Variants in ISCA1 observed in about 807,000 individuals in gnomAD.
The protein encoded by ISCA1 is iron-sulfur cluster assembly 1 homolog, mitochondrial.
Under a neutral mutation model 14.7 loss-of-function variants are expected in ISCA1, and 9 were observed. The observed-to-expected ratio is 0.61, with a 90% CI of 0.37 to 1.07. The LOEUF (loss-of-function observed/expected upper bound fraction) is 1.07. Among genes scored for constraint, ISCA1 ranks in the 50% least tolerant of loss-of-function variants. ISCA1 has a pLI of 0.01. For synonymous variants in ISCA1, 38 were observed against 54.3 expected, an observed-to-expected ratio of 0.70 and a Z score of 1.32; for missense variants, 102 against 150.1, an observed-to-expected ratio of 0.68 and a Z score of 1.67.
Position 86,266,002 on chromosome 9 carries a change from C to G in ISCA1, c.*41G>C, listed in dbSNP as rs767654482. 1 of 1,611,518 alleles carries G rather than the reference C, an allele frequency of 6.2e-7. No homozygotes were observed. The highest frequency in any genetic ancestry group is 8.5e-7 in the Non-Finnish European group (1 of 1,179,474). On this transcript the variant is annotated 3_prime_UTR_variant, in exon 4 of 4. Transcript: ENST00000375991. ...TCTGCAGTGAGCCCCAAAGCTTCCA[C>G]GAGCTTTCCTGGAACCTACGGCCAG...
rs1201683045 is a variant in ISCA1 at position 86,267,729 on chromosome 9, A to G, written c.242-1538T>C. The G allele has an allele frequency of 3.7e-5, 11 of 300,984 alleles. No individual in the cohort carries two copies. The Admixed American group carries it at 3.9e-4, about 11-fold the overall frequency. The allele number at this position is 300,984 out of a possible 1,614,324, so 18.6% of individuals were successfully genotyped here. Reference sequence around the variant, plus strand: ...GCGCCTATAATCCCAGCTACTTGGGAGGCTGAGGTGGGAGGATCGCTTGAA... The same window carrying G: ...GCGCCTATAATCCCAGCTACTTGGGGGGCTGAGGTGGGAGGATCGCTTGAA... On this transcript the variant is annotated intron_variant, in intron 3 of 3. Transcript: ENST00000375991.
intron 1 of ISCA1, among the ~76,000 whole-genome samples, chr9:86,280,505 G>A (rs1587822051): frequency 6.6e-6 from 1 of 150,784 alleles, no homozygotes; most frequent in Admixed American, 6.6e-5. Context: ...CTGAGGCAGA[G>A]AGTTGCTTGA....
chr9:86,272,834 T>C (rs1210446682), intron 2 of ISCA1, among the ~76,000 whole-genome samples: 1 of 152,230 alleles, frequency 6.6e-6, no homozygotes, highest in African/African-American at 2.4e-5. Flanking sequence ...CCTGTAACAA[T>C]GTAATGCTAC....
rs1219665045 is a variant in ISCA1 at position 86,265,391 on chromosome 9, A to G, written c.*652T>C. 1 of 152,356 alleles carries G rather than the reference A, an allele frequency of 6.6e-6. No homozygotes were observed. Among genetic ancestry groups the G allele is most frequent in the East Asian group, 1.9e-4 (1 of 5,176 alleles). 9.4% of individuals were successfully genotyped at this position (152,356 alleles called of 1,614,324 possible). On this transcript the variant is annotated 3_prime_UTR_variant, in exon 4 of 4. Transcript: ENST00000375991. ...TTTAAGAGACTTCTCAACTAAAAGA[A>G]TCAAAGTCAGCTTGAGAGCCCATCT... is the stretch of plus-strand genomic sequence containing the variant.
intron 1 of ISCA1, among the ~76,000 whole-genome samples, chr9:86,277,553 A>T (rs930249503): frequency 6.6e-5 from 10 of 152,186 alleles, no homozygotes; most frequent in African/African-American, 2.4e-4. Context: ...ACCCTGCTTT[A>T]AGTCTACATA....
chr9:86,272,191 C>T (rs1280352162), intron 2 of ISCA1, 79 bp from the exon 3 acceptor site: 3 of 844,872 alleles, frequency 3.6e-6, no homozygotes, highest in Non-Finnish European at 4.0e-6. Context: ...TGACAGTAGC[C>T]TCCTCGTACC....
chr9:86,266,296 A>G, intron 3 of ISCA1, 105 bp from the exon 4 acceptor site: 2 of 1,465,172 alleles, frequency 1.4e-6, no homozygotes, highest in Admixed American at 2.5e-5. Context: ...TGAAAGTCAA[A>G]CAAGAAGCCT....
At chr9:86,281,573 T>C (rs927129769) in intron 1 of ISCA1, among the ~76,000 whole-genome samples, 8 of 152,228 alleles carry the variant, frequency 5.3e-5, no homozygotes, top group African/African-American at 1.2e-4. Context: ...TGGCACTGAA[T>C]TGTACCCTTT....
At chr9:86,278,950 T>C (rs964712303) in intron 1 of ISCA1, among the ~76,000 whole-genome samples, 1 of 152,178 alleles carries the variant, frequency 6.6e-6, no homozygotes, top group African/African-American at 2.4e-5. Flanking sequence ...AATGACTACA[T>C]CCTTCACCAA....
rs1825280032 is a variant in ISCA1 at position 86,265,212 on chromosome 9, C to T, written c.*831G>A. On this transcript the variant is annotated 3_prime_UTR_variant, in exon 4 of 4. Coordinates refer to ENST00000375991, the MANE Select transcript of ISCA1 (RefSeq NM_030940.4). Reference sequence around the variant, plus strand: ...CAGACCATTTGCCTTCGCTGACTGCCTCAGAGGGCAGAGCATGTGTCACCT... The same window carrying T: ...CAGACCATTTGCCTTCGCTGACTGCTTCAGAGGGCAGAGCATGTGTCACCT... The T allele has an allele frequency of 6.6e-6, 1 of 152,186 alleles. No individual in the cohort carries two copies. Among genetic ancestry groups the T allele is most frequent in the Non-Finnish European group, 1.5e-5 (1 of 68,022 alleles). The allele number at this position is 152,186 out of a possible 1,614,324, so 9.4% of individuals were successfully genotyped here.
Position 86,264,907 on chromosome 9 carries a change from A to G in ISCA1, c.*1136T>C, listed in dbSNP as rs1316440662. The G allele has an allele frequency of 6.6e-6, 1 of 152,224 alleles. No individual in the cohort carries two copies. Among genetic ancestry groups the G allele is most frequent in the African/African-American group, 2.4e-5 (1 of 41,466 alleles). The allele number at this position is 152,224 out of a possible 1,614,324, so 9.4% of individuals were successfully genotyped here. ...GTTAGGCTAAAATACTAAGAACTTT[A>G]GCAACTGGACCGAGGAACCAGAAAA... is the stretch of plus-strand genomic sequence containing the variant. On this transcript the variant is annotated 3_prime_UTR_variant, in exon 4 of 4. Coordinates refer to ENST00000375991, the MANE Select transcript of ISCA1 (RefSeq NM_030940.4).
chr9:86,282,054 G>A, intron 1 of ISCA1: 1 of 348,782 alleles, frequency 2.9e-6, no homozygotes, highest in Non-Finnish European at 5.3e-6. Flanking sequence ...GCCGAACAGC[G>A]CAGGCCGGCA....
chr9:86,272,545 A>T (rs951256307), intron 2 of ISCA1, among the ~76,000 whole-genome samples: 1 of 152,204 alleles, frequency 6.6e-6, no homozygotes, highest in African/African-American at 2.4e-5. Context: ...CAGACAAAAG[A>T]AGTTTAAAAA....
intron 1 of ISCA1, among the ~76,000 whole-genome samples, chr9:86,280,428 A>G (rs1410081009): frequency 6.6e-6 from 1 of 151,754 alleles, no homozygotes; most frequent in East Asian, 1.9e-4. Flanking sequence ...TACTAAAAAT[A>G]CAAAAATAAA....
In ISCA1 at chr9:86,277,209, G is replaced by C. The variant is rs1327656726; in HGVS notation, c.82-2967C>G. On this transcript the variant is annotated intron_variant, in intron 1 of 3. Transcript: ENST00000375991. ...GTCTACTTATCACCAAGTTGCTGAT[G>C]TTCACATCTCATACTGAAGGACTCT... Among the ~76,000 whole-genome samples the C allele has an allele frequency of 2.6e-5, 4 of 152,310 alleles. No homozygotes were observed. In the East Asian group the frequency reaches 5.8e-4, roughly 22 times the overall value.
chr9:86,272,319 C>T (rs1039460545), intron 2 of ISCA1, among the ~76,000 whole-genome samples: 3 of 152,180 alleles, frequency 2.0e-5, no homozygotes, highest in African/African-American at 7.2e-5. Context: ...ATTGGGATTA[C>T]AAGGCAGGAG....
intron 1 of ISCA1, among the ~76,000 whole-genome samples, chr9:86,279,808 T>C (rs918148059): frequency 2.6e-5 from 4 of 152,226 alleles, no homozygotes; most frequent in African/African-American, 7.2e-5. Context: ...TGACGATACA[T>C]GCTGATGATA....
chr9:86,278,914 G>A (rs1825475154), intron 1 of ISCA1, among the ~76,000 whole-genome samples: 1 of 152,078 alleles, frequency 6.6e-6, no homozygotes, highest in African/African-American at 2.4e-5. Context: ...TTATAACGCT[G>A]AAACTTAAAA....
chr9:86,270,705 A>C (rs917869440), intron 3 of ISCA1, among the ~76,000 whole-genome samples: 31 of 151,966 alleles, frequency 2.0e-4, no homozygotes, highest in African/African-American at 7.0e-4. Flanking sequence ...AATGTCCAAC[A>C]GTGATAGACT....
Sources: gnomAD v4.1 joint callset for allele counts (sites outside exome capture counted in the v4.1 genomes callset) on GRCh38, gnomAD v4.1.1 for gene constraint, MANE v1.5 for transcripts, NCBI Gene and HGNC (gene_info 2026-07-23, HGNC 2026-07-21) for gene names.